ADGRF3: variants seen among roughly 807,000 people sequenced by gnomAD.
The protein encoded by ADGRF3 is G protein-coupled receptor 113.
A neutral mutation model predicts 93.2 loss-of-function variants in ADGRF3; 85 were observed. That is an observed-to-expected ratio of 0.91 (90% CI 0.77 to 1.09). ADGRF3 has a LOEUF of 1.09. Among genes scored for constraint, ADGRF3 ranks in the 50% least tolerant of loss-of-function variants. ADGRF3 has a pLI of 0.00. For synonymous variants in ADGRF3, 534 were observed against 532.5 expected (o/e 1.00, Z -0.04); for missense variants, 1,125 against 1,246.2 (o/e 0.90, Z 1.46).
In ADGRF3 at chr2:26,311,835, G is replaced by A. The variant is rs374384625; in HGVS notation, c.1689C>T (p.Pro563=). 133 of 1,613,918 alleles carry A rather than the reference G, an allele frequency of 8.2e-5. 1 individual carries two copies. In the African/African-American group the frequency reaches 1.6e-3, roughly 20 times the overall value. The change falls in exon 10 of 14, where the codon CCC becomes CCT. Residue 563 remains proline, a synonymous_variant. Coordinates refer to ENST00000651242, the MANE Select transcript of ADGRF3 (RefSeq NM_001321971.2). ...GCCTGGGAATCTGAGCCTGCAGTGG[G>A]GGCCGAGTAGGGAAGGAGATGCTGT... ...ADYSISFPTR[P]PLQAQIPRHS...
intron 1 of ADGRF3, among the ~76,000 whole-genome samples, chr2:26,327,848 T>A (rs558327673): frequency 9.9e-5 from 15 of 151,490 alleles, no homozygotes; most frequent in East Asian, 3.9e-4. Flanking sequence ...AAAAAAAAAA[T>A]TTTGCCACTC....
At chr2:26,342,175 C>T (rs1676437858) in intron 1 of ADGRF3, among the ~76,000 whole-genome samples, 1 of 151,616 alleles carries the variant, frequency 6.6e-6, no homozygotes, top group Non-Finnish European at 1.5e-5. Context: ...AGTCTGATGA[C>T]CTGTGTTCCT....
Position 26,310,936 on chromosome 2 carries a change from C to T in ADGRF3, c.2588G>A (p.Gly863Glu). Reference sequence around the variant, plus strand: ...CACGCCTATGATGGCCAGCACTGGCCCCACGAAGGTGTATAACGCCCCTCC... The same window carrying T: ...CACGCCTATGATGGCCAGCACTGGCTCCACGAAGGTGTATAACGCCCCTCC... The part of the protein sequence containing the change: ...GKGGALYTFV[G>E]PVLAIIGVNG... Residue 863 changes from glycine (G) to glutamate (E), a missense_variant, in exon 10 of 14, where the codon GGG (glycine) becomes GAG (glutamate). Gly to Glu is a moderately conservative substitution (Grantham distance 98, BLOSUM62 -2). Transcript: ENST00000651242. 1 of 1,613,468 alleles carries T rather than the reference C, an allele frequency of 6.2e-7. No individual in the cohort carries two copies. Among genetic ancestry groups the T allele is most frequent in the Non-Finnish European group, 8.5e-7 (1 of 1,179,674 alleles).
At chr2:26,340,223 A>G (rs1381824071) in intron 1 of ADGRF3, 1 of 152,240 alleles carries the variant, frequency 6.6e-6, no homozygotes, top group African/African-American at 2.4e-5. Flanking sequence ...AACAGGCCAC[A>G]TAGCCTTAGT....
intron 1 of ADGRF3, among the ~76,000 whole-genome samples, chr2:26,324,154 G>T (rs186128150): frequency 6.6e-6 from 1 of 152,208 alleles, no homozygotes; most frequent in East Asian, 1.9e-4. Context: ...GGGAGGCTGA[G>T]GTGGGACGAT....
At chr2:26,341,949 T>C (rs1010576084) in intron 1 of ADGRF3, among the ~76,000 whole-genome samples, 1 of 151,952 alleles carries the variant, frequency 6.6e-6, no homozygotes, top group East Asian at 1.9e-4. Context: ...GGCAGGTGCC[T>C]GTAGTCCCAG....
chr2:26,325,079 T>C (rs1675368069), intron 1 of ADGRF3, among the ~76,000 whole-genome samples: 1 of 152,240 alleles, frequency 6.6e-6, no homozygotes, highest in Admixed American at 6.5e-5. Context: ...ACAGCTGTTA[T>C]GCGATACAGG....
rs1362623904 is a variant in ADGRF3, at chr2:26,311,722, T to A, written c.1802A>T (p.Asn601Ile). 22 of 1,613,316 alleles carry A rather than the reference T, an allele frequency of 1.4e-5. No homozygotes were observed. The highest frequency in any genetic ancestry group is 1.9e-5 in the Non-Finnish European group (22 of 1,179,664). The change falls in exon 10 of 14, where the codon AAC (asparagine) becomes ATC (isoleucine). Residue 601 changes from asparagine (N) to isoleucine (I), a missense_variant. Asn to Ile is a moderately radical substitution (Grantham distance 149). Transcript: ENST00000651242. ...LRKLDHLLPS[N>I]YGQGLGDSLY... ...GGAATCCCCCAGCCCTTGTCCATAG[T>A]TTGAGGGCAGAAGGTGGTCCAGTTT...
At chr2:26,313,931 T>C (rs1268765409) in intron 6 of ADGRF3, 28 bp from the exon 7 acceptor site, 1 of 1,612,994 alleles carries the variant, frequency 6.2e-7, no homozygotes, top group Non-Finnish European at 8.5e-7. Context: ...AAGGGAACTG[T>C]CATTGGGCCA....
Position 26,314,641 on chromosome 2 carries a change from C to T in ADGRF3, c.719-18G>A, listed in dbSNP as rs751575148. ...GTACTCACCTGCAGAAACGTGTGTG[C>T]GGCGCTATGTGGCTCCTCTGGGCCC... is the stretch of plus-strand genomic sequence containing the variant. On this transcript the variant is annotated intron_variant, in intron 5 of 13. Transcript: ENST00000651242. The T allele has an allele frequency of 4.4e-5, 70 of 1,603,878 alleles. No individual in the cohort carries two copies. In the East Asian group the frequency reaches 8.9e-4, roughly 20 times the overall value.
Position 26,346,271 on chromosome 2 carries a change from T to C in ADGRF3, c.-37A>G. 6.2e-7 allele frequency: 1 copy of C among 1,613,562 alleles called. No homozygotes were observed. The highest frequency in any genetic ancestry group is 8.5e-7 in the Non-Finnish European group (1 of 1,179,580). On this transcript the variant is annotated 5_prime_UTR_variant, in exon 1 of 14. Coordinates refer to ENST00000651242, the MANE Select transcript of ADGRF3 (RefSeq NM_001321971.2). The stretch of plus-strand genomic sequence containing the variant: ...AATACGTGAGCCCGGAGCAGCTGGC[T>C]GGCTTTGATAAGTACAAGGTACCGC...
chr2:26,309,089 C>T lies in ADGRF3; in HGVS notation c.3012G>A (p.Glu1004=), dbSNP rs1276355606. 13 of 1,614,064 alleles carry T rather than the reference C, an allele frequency of 8.1e-6. No homozygotes were observed. The highest frequency in any genetic ancestry group is 1.1e-5 in the South Asian group (1 of 91,090). Residue 1004 remains glutamate, a synonymous_variant, in exon 14 of 14, where the codon GAG becomes GAA. Coordinates refer to ENST00000651242, the MANE Select transcript of ADGRF3 (RefSeq NM_001321971.2). ...SDTARKTDAS[E] is the part of the protein sequence containing the mutation. Reference sequence around the variant, plus strand: ...GGAACATGGGTCCGTGTGTGGTTCACTCTGAAGCATCTGTCTTCCTGTGAA... The same window carrying T: ...GGAACATGGGTCCGTGTGTGGTTCATTCTGAAGCATCTGTCTTCCTGTGAA...
intron 1 of ADGRF3, among the ~76,000 whole-genome samples, chr2:26,341,260 T>C (rs1574736979): frequency 6.6e-6 from 1 of 152,200 alleles, no homozygotes; most frequent in African/African-American, 2.4e-5. Context: ...GCGCCTGTAG[T>C]CCCAGCTACT....
chr2:26,329,114 G>T (rs1462394931), intron 1 of ADGRF3, among the ~76,000 whole-genome samples: 2 of 152,214 alleles, frequency 1.3e-5, no homozygotes, highest in African/African-American at 4.8e-5. Flanking sequence ...AAAAGCACAG[G>T]TTGAACTGAT....
chr2:26,342,307 G>C (rs762035329), intron 1 of ADGRF3, among the ~76,000 whole-genome samples: 1 of 152,176 alleles, frequency 6.6e-6, no homozygotes, highest in Non-Finnish European at 1.5e-5. Flanking sequence ...TTGAGAACCA[G>C]AGTTTATGTG....
rs1035994682 is a variant in ADGRF3, at chr2:26,311,398, C to A, written c.2126G>T (p.Gly709Val). 1 of 1,614,028 alleles carries A rather than the reference C, an allele frequency of 6.2e-7. No individual in the cohort carries two copies. Among genetic ancestry groups the A allele is most frequent in the South Asian group, 1.1e-5 (1 of 91,076 alleles). ...CAGCGCCAGTATGGAAGCTCCCAAG[C>A]CCACTTGAGTCAGCAGCGCCAGAGC... The part of the protein sequence containing the change: ...EPALALLTQV[G>V]LGASILALLV... The change falls in exon 10 of 14, where the codon GGC (glycine) becomes GTC (valine). Residue 709 changes from glycine (G) to valine (V), a missense_variant. Coordinates refer to ENST00000651242, the MANE Select transcript of ADGRF3 (RefSeq NM_001321971.2).
chr2:26,310,983 C>T lies in ADGRF3; in HGVS notation c.2541G>A (p.Gly847=), dbSNP rs1434918959. The part of the protein sequence containing the change: ...YLPQGQYLRE[G]ECWLDGKGGA... ...CTCCCTTCCCATCCAACCAGCATTC[C>T]CCCTCCCTCAGGTATTGCCCTTGAG... is the stretch of plus-strand genomic sequence containing the variant. Residue 847 remains glycine (G), a synonymous_variant, in exon 10 of 14, where the codon GGG becomes GGA. Transcript: ENST00000651242. 1.9e-6 allele frequency: 3 copies of T among 1,613,710 alleles called. No individual in the cohort carries two copies. The highest frequency in any genetic ancestry group is 2.5e-6 in the Non-Finnish European group (3 of 1,179,818).
At chr2:26,319,314 G>A (rs575778117) in intron 1 of ADGRF3, among the ~76,000 whole-genome samples, 6 of 152,292 alleles carry the variant, frequency 3.9e-5, no homozygotes, top group African/African-American at 1.4e-4. Context: ...GAGAGGCTTA[G>A]GGGTTCGAAG....
chr2:26,342,271 A>C (rs751588490), intron 1 of ADGRF3, among the ~76,000 whole-genome samples: 1 of 152,192 alleles, frequency 6.6e-6, no homozygotes, highest in Non-Finnish European at 1.5e-5. Context: ...CCCATGGCTC[A>C]GGATTGTTAG....
Sources: gnomAD v4.1 joint callset for allele counts (sites outside exome capture counted in the v4.1 genomes callset) on GRCh38, gnomAD v4.1.1 for gene constraint, MANE v1.5 for transcripts, NCBI Gene and HGNC (gene_info 2026-07-23, HGNC 2026-07-21) for gene names.